The following ZNF212 variants were observed in gnomAD, a reference collection of about 807,000 sequenced individuals.
ZNF212 encodes the protein Zinc finger protein C2H2-150.
ZNF212 carries 32 observed loss-of-function variants against 47.3 expected under a neutral mutation model. That is an observed-to-expected ratio of 0.68 (90% confidence interval 0.51 to 0.91). The LOEUF (loss-of-function observed/expected upper bound fraction) is 0.91. Among genes scored for constraint, ZNF212 ranks in the 40% least tolerant of loss-of-function variants. The pLI, the probability that ZNF212 is intolerant of heterozygous loss-of-function variation, is 0.00. For missense variants in ZNF212, 555 were observed against 622.8 expected (o/e 0.89, Z 1.16); for synonymous variants, 242 against 253.8 (o/e 0.95, Z 0.44).
In ZNF212 at chr7:149,250,383, C is replaced by T. The variant is rs150265177; in HGVS notation, c.249C>T (p.Ala83=). The T allele has an allele frequency of 9.9e-6, 16 of 1,614,002 alleles. No individual in the cohort carries two copies. The Admixed American group carries it at 1.7e-4, about 17-fold the overall frequency. The change falls in exon 2 of 5, where the codon GCC becomes GCT. Residue 83 remains alanine, a synonymous_variant. Coordinates refer to ENST00000335870, the MANE Select transcript of ZNF212 (RefSeq NM_012256.4). ...EKKLADCEKM[A]VEFGNQLEGK... ...AGCTGGCTGACTGCGAGAAGATGGCCGTGGAGTTCGGGAACCAGCTGGAGG... is the reference window on the plus strand; with the variant it reads ...AGCTGGCTGACTGCGAGAAGATGGCTGTGGAGTTCGGGAACCAGCTGGAGG...
intron 1 of ZNF212, among the ~76,000 whole-genome samples, chr7:149,244,320 AT>A (rs1474247724): frequency 6.6e-6 from 1 of 151,356 alleles, no homozygotes. Context: ...TTTTATTTTT[AT>A]TTTTTTTCTG....
chr7:149,246,274 C>G (rs1796675087), intron 1 of ZNF212, among the ~76,000 whole-genome samples: 1 of 152,180 alleles, frequency 6.6e-6, no homozygotes, highest in African/African-American at 2.4e-5. Flanking sequence ...AAAATTTACT[C>G]TTTAGGCAGA....
At chr7:149,253,458 T>C (rs1473813906) in intron 4 of ZNF212, 101 bp from the exon 5 acceptor site, 2 of 1,436,548 alleles carry the variant, frequency 1.4e-6, no homozygotes, top group African/African-American at 2.8e-5. Context: ...AATTCACTTA[T>C]TCCTGGGGTG....
intron 3 of ZNF212, among the ~76,000 whole-genome samples, chr7:149,252,321 G>C (rs554521850): frequency 6.6e-6 from 1 of 152,262 alleles, no homozygotes; most frequent in African/African-American, 2.4e-5. Context: ...GTCTGTCCCA[G>C]TGCCCATCTT....
chr7:149,252,211 G>A (rs1423061465), intron 3 of ZNF212, among the ~76,000 whole-genome samples: 2 of 152,168 alleles, frequency 1.3e-5, no homozygotes, highest in Non-Finnish European at 2.9e-5. Flanking sequence ...AGTGTCAAGT[G>A]CCTGGAGCAG....
chr7:149,243,433 C>CAAAAAAAA (rs869068988), intron 1 of ZNF212, among the ~76,000 whole-genome samples: 64 of 56,032 alleles, frequency 1.1e-3, no homozygotes, highest in Non-Finnish European at 1.5e-3. Flanking sequence ...GACTCCGTCT[C>CAAAAAAAA]AAAAAAAAAA....
At chr7:149,252,593 C>T in intron 3 of ZNF212, 113 bp from the exon 4 acceptor site, 1 of 932,470 alleles carries the variant, frequency 1.1e-6, no homozygotes, top group Non-Finnish European at 1.7e-6. Flanking sequence ...GAACAGTAGC[C>T]TTTGAATCTA....
intron 1 of ZNF212, among the ~76,000 whole-genome samples, chr7:149,246,901 CTCTCAGGTTTAAGTGAT>C (rs1796687543): frequency 6.8e-6 from 1 of 147,508 alleles, no homozygotes; most frequent in Admixed American, 6.8e-5. Flanking sequence ...CAACCTCCGC[CTCTCAGGTTTAAGTGAT>C]TCTCCTGCCT....
In ZNF212 at chr7:149,250,288, GAGA is replaced by G. The variant is rs1404204056; in HGVS notation, c.161_163del (p.Lys54del). 3.7e-6 allele frequency: 6 copies of G among 1,613,748 alleles called. No homozygotes were observed. Among genetic ancestry groups the G allele is most frequent in the East Asian group, 2.2e-5 (1 of 44,850 alleles). On this transcript the variant is annotated inframe_deletion, in exon 2 of 5. Coordinates refer to ENST00000335870, the MANE Select transcript of ZNF212 (RefSeq NM_012256.4). ...GGTGGTGGCCGCTATTCAGGCTGTG[GAGA>G]AGAAGATGGAGTCCCAGGCTGCCCG...
intron 2 of ZNF212, 31 bp from the exon 3 acceptor site, chr7:149,250,650 A>C: frequency 6.2e-7 from 1 of 1,614,030 alleles, no homozygotes; most frequent in Non-Finnish European, 8.5e-7. Context: ...TGTGAGTAGA[A>C]GCACTCATGG....
In ZNF212 at chr7:149,250,397, A is replaced by T; in HGVS notation, c.263A>T (p.Asn88Ile). The T allele has an allele frequency of 6.2e-7, 1 of 1,614,144 alleles. No individual in the cohort carries two copies. The change falls in exon 2 of 5, where the codon AAC (asparagine) becomes ATC (isoleucine). Residue 88 changes from asparagine to isoleucine, a missense_variant. Coordinates refer to ENST00000335870, the MANE Select transcript of ZNF212 (RefSeq NM_012256.4). ...DCEKMAVEFG[N>I]QLEGKWAVLG... ...GAGAAGATGGCCGTGGAGTTCGGGA[A>T]CCAGCTGGAGGGCAAGTGGGCCGTG... is the stretch of plus-strand genomic sequence containing the variant.
Position 149,254,114 on chromosome 7 carries a change from C to G in ZNF212, c.1187C>G (p.Pro396Arg). The change falls in exon 5 of 5, where the codon CCC (proline) becomes CGC (arginine). Residue 396 changes from proline to arginine, a missense_variant. Physicochemically the swap from Pro to Arg is moderately radical, Grantham distance 103 (BLOSUM62 -2). Transcript: ENST00000335870. The surrounding 1 kb of genome is among the most constrained non-coding windows in gnomAD (Gnocchi z 4.5). ...CAGCGTTGCCACCTGCAGGAGGGGCCCAGTGCCGGCCAGCATGTCCAAGAG... is the reference window on the plus strand; with the variant it reads ...CAGCGTTGCCACCTGCAGGAGGGGCGCAGTGCCGGCCAGCATGTCCAAGAG... ...THQRCHLQEG[P>R]SAGQHVQERF... 2.5e-6 allele frequency: 4 copies of G among 1,613,472 alleles called. No individual in the cohort carries two copies. The highest frequency in any genetic ancestry group is 3.4e-6 in the Non-Finnish European group (4 of 1,179,732).
intron 3 of ZNF212, chr7:149,251,076 T>C: frequency 2.8e-6 from 1 of 362,944 alleles, no homozygotes. Flanking sequence ...TTTCCTGTGG[T>C]CACATAGTCT....
chr7:149,251,441 C>G (rs906074604), intron 3 of ZNF212: 3 of 152,402 alleles, frequency 2.0e-5, no homozygotes, highest in African/African-American at 7.3e-5. Context: ...CCTCAGCCCC[C>G]CAAAGTGCTA....
At chr7:149,246,694 A>G (rs1036788150) in intron 1 of ZNF212, among the ~76,000 whole-genome samples, 1 of 145,812 alleles carries the variant, frequency 6.9e-6, no homozygotes, top group African/African-American at 2.5e-5. Context: ...CTGGCCTATA[A>G]TCAATATTTT....
At chr7:149,249,653 G>T (rs536220941) in intron 1 of ZNF212, among the ~76,000 whole-genome samples, 2 of 152,046 alleles carry the variant, frequency 1.3e-5, no homozygotes, top group African/African-American at 2.4e-5. Context: ...TTTGAGACAG[G>T]GTCTCACTCT....
chr7:149,246,813 CTTTTTT>C (rs71194633), intron 1 of ZNF212, among the ~76,000 whole-genome samples: 2 of 103,590 alleles, frequency 1.9e-5, no homozygotes, highest in Middle Eastern at 6.5e-3. Flanking sequence ...TGTCTGAATT[CTTTTTT>C]TTTTTTTTTT....
At position 149,240,041 on chromosome 7, in the gene ZNF212, C is replaced by T. The variant is rs76393077; in HGVS notation, c.24+239C>T. ...CGTGCGCCCTTGCCCAGAAACTTCT[C>T]TGACGCTTGCTTTAGGTTGGTGGAT... On this transcript the variant is annotated intron_variant, in intron 1 of 4. Transcript: ENST00000335870. 1,047 of 427,624 alleles carry T rather than the reference C, an allele frequency of 2.4e-3. 10 individuals are homozygous for T. The highest frequency in any genetic ancestry group is 0.019 in the African/African-American group (951 of 49,236). The allele number at this position is 427,624 out of a possible 1,614,324, so 26.5% of individuals were successfully genotyped here.
At chr7:149,248,031 T>C (rs1279244495) in intron 1 of ZNF212, among the ~76,000 whole-genome samples, 2 of 151,966 alleles carry the variant, frequency 1.3e-5, no homozygotes, top group Non-Finnish European at 2.9e-5. Flanking sequence ...ACCAAAGAAG[T>C]CAGACTGTTT....
Sources: gnomAD v4.1 joint callset for allele counts (sites outside exome capture counted in the v4.1 genomes callset) on GRCh38, gnomAD v4.1.1 for gene constraint, Gnocchi (gnomAD v3.1) non-coding constraint, MANE v1.5 for transcripts, NCBI Gene and HGNC (gene_info 2026-07-23, HGNC 2026-07-21) for gene names.